The following MGAM2 variants were observed in gnomAD, a reference collection of about 807,000 sequenced individuals.
The protein encoded by MGAM2 is maltase-glucoamylase 2 (putative), also known as probable maltase-glucoamylase 2.
A neutral mutation model predicts 96.1 loss-of-function variants in MGAM2; 98 were observed. The ratio of observed to expected loss-of-function variants is 1.02; its 90% CI spans 0.87 to 1.21. The LOEUF is 1.21. Among genes scored for constraint, MGAM2 ranks in the 50% most tolerant of loss-of-function variants. The probability of loss-of-function intolerance (pLI) is 0.00; values close to 1 mark genes in which losing one functional copy is unlikely to be tolerated. For synonymous variants in MGAM2, 749 were observed against 414.8 expected (o/e 1.81, Z -9.79); for missense variants, 2,055 against 1,182.4 (o/e 1.74, Z -10.82).
intron 6 of MGAM2, among the ~76,000 whole-genome samples, chr7:142,132,825 A>G (rs2129077874): frequency 7.8e-6 from 1 of 127,970 alleles, no homozygotes; most frequent in East Asian, 2.3e-4. Flanking sequence ...ATATATAATT[A>G]TAAGTAATAT....
chr7:142,164,813 T>C, intron 23 of MGAM2, 43 bp from the exon 24 acceptor site: 1 of 647,828 alleles, frequency 1.5e-6, no homozygotes, highest in Middle Eastern at 2.7e-4. Context: ...AATAAGGGTC[T>C]GAAGTACCTG....
In MGAM2 at chr7:142,197,738, T is replaced by C; in HGVS notation, c.4866+10T>C. ...CCCTGTGTTGGAAACTGTGAGTTCT[T>C]CATTGTAGGTCAGAAAACCTTCAAT... On this transcript the variant is annotated intron_variant, in intron 42 of 47. Transcript: ENST00000477922. The C allele has an allele frequency of 1.4e-6, 1 of 702,972 alleles. No homozygotes were observed. The highest frequency in any genetic ancestry group is 2.6e-6 in the Non-Finnish European group (1 of 384,978). The allele number at this position is 702,972 out of a possible 1,614,324, so 43.5% of individuals were successfully genotyped here. A position where few individuals can be genotyped will look rare whatever the true frequency, so the allele number is the denominator to read the frequency against.
chr7:142,149,531 G>A (rs1795491290), intron 15 of MGAM2, among the ~76,000 whole-genome samples: 1 of 150,604 alleles, frequency 6.6e-6, no homozygotes. Flanking sequence ...TTCTGACGTT[G>A]TCTACTTGGA....
intron 5 of MGAM2, 143 bp downstream of exon 5, chr7:142,131,770 G>A (rs1794895773): frequency 1.6e-6 from 1 of 615,766 alleles, no homozygotes. Context: ...TTTATTTGAT[G>A]GGGCACATGT....
intron 6 of MGAM2, among the ~76,000 whole-genome samples, chr7:142,133,309 A>C (rs1419515640): frequency 2.1e-4 from 31 of 147,176 alleles, no homozygotes. Flanking sequence ...TATATTTAAT[A>C]TGTTTATTTG....
intron 32 of MGAM2, among the ~76,000 whole-genome samples, chr7:142,176,631 T>C (rs1319990266): frequency 1.3e-5 from 2 of 152,114 alleles, no homozygotes; most frequent in African/African-American, 4.8e-5. Flanking sequence ...TAGAGAATAA[T>C]TGGGGCAGGT....
intron 25 of MGAM2, 42 bp downstream of exon 25, chr7:142,166,295 A>G (rs935324073): frequency 6.1e-6 from 4 of 660,200 alleles, no homozygotes; most frequent in African/African-American, 3.6e-5. Flanking sequence ...TTAGGAAGTA[A>G]TTAGGCACCT....
intron 6 of MGAM2, among the ~76,000 whole-genome samples, chr7:142,132,666 A>G (rs1382385561): frequency 1.6e-5 from 2 of 127,466 alleles, no homozygotes; most frequent in Admixed American, 8.3e-5. Flanking sequence ...AAAATATAAT[A>G]AATATATTAA....
chr7:142,183,190 A>G lies in MGAM2; in HGVS notation c.3817-76A>G, dbSNP rs1022099468. 5 of 655,438 alleles carry G rather than the reference A, an allele frequency of 7.6e-6. No homozygotes were observed. In the African/African-American group the frequency reaches 9.0e-5, roughly 12 times the overall value. 40.6% of individuals were successfully genotyped at this position (655,438 alleles called of 1,614,324 possible). The stretch of plus-strand genomic sequence containing the variant: ...TTCACCATTTCCTTCTGCACTATGA[A>G]CTACTAAATTTTTGGAGAGAAATTT... On this transcript the variant is annotated intron_variant, in intron 32 of 47. Coordinates refer to ENST00000477922, the MANE Select transcript of MGAM2 (RefSeq NM_001293626.2).
Position 142,128,482 on chromosome 7 carries a change from G to T in MGAM2, c.187-2466G>T, listed in dbSNP as rs190736103. ...CTCCAGGGCGTCAGAGGTCTTCAGA[G>T]CAGTACCTCCCATCACAGGCCAGGA... is the stretch of plus-strand genomic sequence containing the variant. On this transcript the variant is annotated intron_variant, in intron 3 of 47. Coordinates refer to ENST00000477922, the MANE Select transcript of MGAM2 (RefSeq NM_001293626.2). Among the ~76,000 whole-genome samples, 627 of 152,326 alleles carry T rather than the reference G, an allele frequency of 4.1e-3. 2 individuals are homozygous for T. The highest frequency in any genetic ancestry group is 0.014 in the African/African-American group (599 of 41,576).
chr7:142,222,205 T>C lies in MGAM2; in HGVS notation c.*146T>C, dbSNP rs1385018791. The C allele has an allele frequency of 2.5e-6, 1 of 395,038 alleles. No individual in the cohort carries two copies. The highest frequency in any genetic ancestry group is 4.5e-6 in the Non-Finnish European group (1 of 223,926). 24.5% of individuals were successfully genotyped at this position (395,038 alleles called of 1,614,324 possible). A position where few individuals can be genotyped will look rare whatever the true frequency, so the allele number is the denominator to read the frequency against. On this transcript the variant is annotated 3_prime_UTR_variant, in exon 48 of 48. Coordinates refer to ENST00000477922, the MANE Select transcript of MGAM2 (RefSeq NM_001293626.2). ...GTACTCTAGCCATAAAAGACACAGC[T>C]ACTCCAAACACTCTCGTCATTGCAG...
intron 15 of MGAM2, 36 bp from the exon 16 acceptor site, chr7:142,153,982 C>A: frequency 1.8e-6 from 1 of 555,504 alleles, no homozygotes; most frequent in South Asian, 2.5e-5. Flanking sequence ...ACATTCACAG[C>A]CCACCTCACA....
chr7:142,116,148 T>C (rs1162019867), intron 1 of MGAM2, among the ~76,000 whole-genome samples: 1 of 152,146 alleles, frequency 6.6e-6, no homozygotes, highest in African/African-American at 2.4e-5. Context: ...CAGGTCCAAA[T>C]AGGTAAATAG....
chr7:142,215,848 T>C (rs1280038421), intron 46 of MGAM2, among the ~76,000 whole-genome samples: 3 of 151,836 alleles, frequency 2.0e-5, no homozygotes, highest in Non-Finnish European at 4.4e-5. Flanking sequence ...AAATAAAATA[T>C]ATTTTGAAAT....
chr7:142,166,851 A>G (rs771289768), intron 25 of MGAM2, among the ~76,000 whole-genome samples: 1 of 152,200 alleles, frequency 6.6e-6, no homozygotes, highest in Non-Finnish European at 1.5e-5. Context: ...TATTCCTTCA[A>G]AATTCTGGAG....
At chr7:142,198,357 G>A (rs959271645) in intron 43 of MGAM2, among the ~76,000 whole-genome samples, 162 bp downstream of exon 43, 7 of 152,076 alleles carry the variant, frequency 4.6e-5, no homozygotes, top group Admixed American at 1.3e-4. Context: ...GAGCATAGAC[G>A]AAATCTAAGC....
At chr7:142,195,760 A>G (rs1376855467) in intron 37 of MGAM2, among the ~76,000 whole-genome samples, 2 of 152,268 alleles carry the variant, frequency 1.3e-5, no homozygotes, top group East Asian at 3.9e-4. Flanking sequence ...TCTGAATCTT[A>G]GCTTCCTAAC....
Position 142,221,093 on chromosome 7 carries a change from T to C in MGAM2, c.6582T>C (p.Thr2194=). Residue 2194 remains threonine, a synonymous_variant, in exon 48 of 48, where the codon ACT becomes ACC. Coordinates refer to ENST00000477922, the MANE Select transcript of MGAM2 (RefSeq NM_001293626.2). ...PSLANTGVDT[T]SNSFSIMTTS... ...TTGCAAATACTGGTGTTGACACTACTAGCAACAGTTTTTCCATTATGACCA... is the reference window on the plus strand; with the variant it reads ...TTGCAAATACTGGTGTTGACACTACCAGCAACAGTTTTTCCATTATGACCA... 1.4e-6 allele frequency: 1 copy of C among 702,612 alleles called. No homozygotes were observed. The highest frequency in any genetic ancestry group is 2.6e-6 in the Non-Finnish European group (1 of 384,772). The allele number at this position is 702,612 out of a possible 1,614,324, so 43.5% of individuals were successfully genotyped here.
chr7:142,131,297 G>C (rs1794880517), intron 4 of MGAM2, among the ~76,000 whole-genome samples: 1 of 152,110 alleles, frequency 6.6e-6, no homozygotes, highest in Non-Finnish European at 1.5e-5. Flanking sequence ...AATTAGCTGG[G>C]TGTGGTGGCA....
Sources: gnomAD v4.1 joint callset for allele counts (sites outside exome capture counted in the v4.1 genomes callset) on GRCh38, gnomAD v4.1.1 for gene constraint, MANE v1.5 for transcripts, NCBI Gene and HGNC (gene_info 2026-07-23, HGNC 2026-07-21) for gene names.